Variants in MDGA2 observed in about 807,000 individuals in gnomAD.
The protein encoded by MDGA2 is MAM domain-containing glycosylphosphatidylinositol anchor protein 2.
Under a neutral mutation model 117.8 loss-of-function variants are expected in MDGA2, and 40 were observed. That is an observed-to-expected ratio of 0.34 (90% CI 0.26 to 0.44). The LOEUF is 0.44. Ranked by LOEUF, MDGA2 falls within the 20% of genes least tolerant of loss-of-function variation. The pLI, the probability that MDGA2 is intolerant of heterozygous loss-of-function variation, is 1.00. For synonymous variants in MDGA2, 452 were observed against 439.0 expected (o/e 1.03, Z -0.37); for missense variants, 1,123 against 1,250.6 (o/e 0.90, Z 1.54).
intron 1 of MDGA2, among the ~76,000 whole-genome samples, chr14:47,616,018 G>A (rs571476092): frequency 1.3e-5 from 2 of 152,250 alleles, no homozygotes; most frequent in Admixed American, 6.5e-5. Context: ...GTTACTCCAC[G>A]TCTCCTGGGA....
chr14:46,895,029 GGACT>G (rs1288909206), intron 10 of MDGA2, among the ~76,000 whole-genome samples: 1 of 152,152 alleles, frequency 6.6e-6, no homozygotes, highest in Non-Finnish European at 1.5e-5. Flanking sequence ...GGTTTTCTAA[GGACT>G]ACTACAAAAA....
intron 1 of MDGA2, among the ~76,000 whole-genome samples, chr14:47,474,878 C>T (rs1397970878): frequency 6.6e-6 from 1 of 152,114 alleles, no homozygotes; most frequent in Non-Finnish European, 1.5e-5. Flanking sequence ...ACTATAGAAA[C>T]TCTAGAAGAA....
chr14:46,957,456 A>C lies in MDGA2; in HGVS notation c.2007T>G (p.Ser669Arg). The C allele has an allele frequency of 6.2e-7, 1 of 1,613,852 alleles. No homozygotes were observed. Among genetic ancestry groups the C allele is most frequent in the Non-Finnish European group, 8.5e-7 (1 of 1,179,966 alleles). The change falls in exon 9 of 17, where the codon AGT becomes AGG. Residue 669 changes from serine to arginine, a missense_variant. Physicochemically the swap from Ser to Arg is moderately radical, Grantham distance 110. Around this residue, in one of 2 missense-constraint regions of MDGA2, gnomAD observed 890 missense variants for 1,050.3 expected, o/e 0.85. Coordinates refer to ENST00000399232, the MANE Select transcript of MDGA2 (RefSeq NM_001113498.3). ...AAACCCCATAGTTTTCATTGGAAAG[A>C]CTCTTCACAGCGTACTCTGTGTATT... is the stretch of plus-strand genomic sequence containing the variant. ...SQEYTEYAVK[S>R]LSNENYGVYN...
intron 6 of MDGA2, among the ~76,000 whole-genome samples, chr14:47,089,631 C>A (rs1174706416): frequency 6.6e-6 from 1 of 151,924 alleles, no homozygotes; most frequent in Non-Finnish European, 1.5e-5. Context: ...ACTTTAAGTT[C>A]TAAGGTACAT....
At chr14:47,416,242 T>C (rs1892473020) in intron 1 of MDGA2, among the ~76,000 whole-genome samples, 2 of 152,126 alleles carry the variant, frequency 1.3e-5, no homozygotes, top group South Asian at 4.1e-4. Flanking sequence ...ATGTTATGCA[T>C]TTCCATGATA....
intron 1 of MDGA2, among the ~76,000 whole-genome samples, chr14:47,393,527 G>T (rs113459256): frequency 7.4e-4 from 112 of 152,186 alleles, no homozygotes; most frequent in African/African-American, 2.6e-3. Context: ...GAGAAAAGTG[G>T]ATTTATAATC....
intron 1 of MDGA2, among the ~76,000 whole-genome samples, chr14:47,588,229 G>T (rs1227832467): frequency 3.3e-4 from 34 of 101,994 alleles, no homozygotes; most frequent in African/African-American, 1.2e-3. Flanking sequence ...ATCTCTTGGA[G>T]ATAGATAGAT....
chr14:47,632,132 T>C (rs1208048637), intron 1 of MDGA2, among the ~76,000 whole-genome samples: 3 of 152,170 alleles, frequency 2.0e-5, no homozygotes, highest in African/African-American at 7.2e-5. Flanking sequence ...GAACTGTGCA[T>C]TCATATGTCC....
At chr14:47,540,563 T>TACATACAC (rs1555330675) in intron 1 of MDGA2, among the ~76,000 whole-genome samples, 2 of 112,522 alleles carry the variant, frequency 1.8e-5, no homozygotes, top group African/African-American at 2.9e-5. Flanking sequence ...TGTATATATA[T>TACATACAC]ACACACACAC....
At chr14:47,297,493 TGAAGG>T (rs3039470) in intron 2 of MDGA2, among the ~76,000 whole-genome samples, 1 of 64,662 alleles carries the variant, frequency 1.5e-5, no homozygotes, top group Non-Finnish European at 2.8e-5. Context: ...TGGAGGGGTG[TGAAGG>T]GAAGGGAAGG....
chr14:47,209,586 A>G (rs1246795663), intron 3 of MDGA2, among the ~76,000 whole-genome samples: 1 of 152,184 alleles, frequency 6.6e-6, no homozygotes, highest in Non-Finnish European at 1.5e-5. Context: ...TTTAAAAGTA[A>G]TTCTTCTCTA....
intron 1 of MDGA2, among the ~76,000 whole-genome samples, chr14:47,447,611 C>T (rs1420426005): frequency 6.6e-6 from 1 of 152,154 alleles, no homozygotes; most frequent in Admixed American, 6.6e-5. Flanking sequence ...GTAGTCAACT[C>T]TACAGAGATT....
At chr14:47,228,777 G>C (rs1246387226) in intron 2 of MDGA2, among the ~76,000 whole-genome samples, 1 of 152,120 alleles carries the variant, frequency 6.6e-6, no homozygotes, top group East Asian at 1.9e-4. Flanking sequence ...GTGAAAAAAG[G>C]ATACAAGCTC....
chr14:47,050,427 A>G (rs748819270), intron 7 of MDGA2, among the ~76,000 whole-genome samples: 2 of 152,064 alleles, frequency 1.3e-5, no homozygotes, highest in Non-Finnish European at 2.9e-5. Flanking sequence ...ACTTCAGCAT[A>G]TGGCAACACT....
chr14:47,432,146 T>G (rs1425437297), intron 1 of MDGA2, among the ~76,000 whole-genome samples: 1 of 152,090 alleles, frequency 6.6e-6, no homozygotes, highest in African/African-American at 2.4e-5. Flanking sequence ...GATTGTTTTT[T>G]TAAAGACTGT....
intron 5 of MDGA2, among the ~76,000 whole-genome samples, chr14:47,100,407 G>A (rs1432292233): frequency 6.6e-6 from 1 of 152,026 alleles, no homozygotes; most frequent in Admixed American, 6.6e-5. Flanking sequence ...TCATGTACAT[G>A]TTTAGCATAC....
chr14:47,648,494 T>A (rs994680570), intron 1 of MDGA2, among the ~76,000 whole-genome samples: 1 of 152,098 alleles, frequency 6.6e-6, no homozygotes, highest in Non-Finnish European at 1.5e-5. Flanking sequence ...ATATACATAA[T>A]GTCTAATAAT....
chr14:47,208,135 T>C (rs1885753562), intron 3 of MDGA2, among the ~76,000 whole-genome samples: 1 of 152,010 alleles, frequency 6.6e-6, no homozygotes. Context: ...TTATTTTGTA[T>C]GAATCTCATG....
chr14:47,579,617 A>G (rs1365219442), intron 1 of MDGA2, among the ~76,000 whole-genome samples: 1 of 152,080 alleles, frequency 6.6e-6, no homozygotes, highest in Non-Finnish European at 1.5e-5. Context: ...ATAAGGGCCA[A>G]TGGACTGATA....
Sources: allele counts gnomAD v4.1 joint callset (sites outside exome capture counted in the v4.1 genomes callset), GRCh38; gene constraint gnomAD v4.1.1; regional missense constraint gnomAD v4.1.1; transcripts MANE v1.5; gene names NCBI Gene and HGNC (gene_info 2026-07-23, HGNC 2026-07-21).